PPP3CB: variants seen among roughly 807,000 people sequenced by gnomAD.
PPP3CB encodes serine/threonine-protein phosphatase 2B catalytic subunit beta isoform.
In PPP3CB, 8 loss-of-function variants were observed where a neutral mutation model predicts 66.4. The ratio of observed to expected loss-of-function variants is 0.12; its 90% CI spans 0.07 to 0.22. The LOEUF (loss-of-function observed/expected upper bound fraction) is 0.22, where lower values mean the gene tolerates loss of function less well. PPP3CB is among the 10% of genes least tolerant of loss of function. PPP3CB has a pLI of 1.00. For missense variants in PPP3CB, 319 were observed against 642.5 expected (o/e 0.50, Z 5.44); for synonymous variants, 208 against 221.2 (o/e 0.94, Z 0.53).
At chr10:73,466,814 A>G (rs762797792) in intron 9 of PPP3CB, 12 of 152,184 alleles carry the variant, frequency 7.9e-5, no homozygotes, top group Non-Finnish European at 1.2e-4. Flanking sequence ...TTTTATAATC[A>G]TGTCTGTACT....
At chr10:73,451,428 C>G (rs1198082090) in intron 10 of PPP3CB, among the ~76,000 whole-genome samples, 2 of 151,734 alleles carry the variant, frequency 1.3e-5, no homozygotes, top group Non-Finnish European at 2.9e-5. Context: ...ACATAAAATA[C>G]AGATGTATTA....
At chr10:73,467,808 G>T in intron 8 of PPP3CB, 130 bp from the exon 9 acceptor site, 1 of 790,760 alleles carries the variant, frequency 1.3e-6, no homozygotes, top group Non-Finnish European at 1.9e-6. Flanking sequence ...TGGAATCAGG[G>T]CTGGTAGAGG....
At chr10:73,450,275 G>A (rs1488589931) in intron 10 of PPP3CB, among the ~76,000 whole-genome samples, 2 of 152,106 alleles carry the variant, frequency 1.3e-5, no homozygotes, top group Non-Finnish European at 2.9e-5. Flanking sequence ...ATGGTTCACC[G>A]TTGTGTAGGA....
intron 1 of PPP3CB, among the ~76,000 whole-genome samples, chr10:73,484,492 C>T (rs56390003): frequency 2.0e-5 from 3 of 151,682 alleles, no homozygotes; most frequent in Non-Finnish European, 4.4e-5. Flanking sequence ...AGGATGGTCT[C>T]GATCTCCTGA....
chr10:73,470,821 A>G (rs1173133077), intron 7 of PPP3CB, 40 bp from the exon 8 acceptor site: 3 of 1,587,608 alleles, frequency 1.9e-6, no homozygotes, highest in Non-Finnish European at 2.6e-6. Flanking sequence ...TAAAGCATCA[A>G]TCATGGTTAC....
At chr10:73,474,293 G>A (rs1051516824) in intron 4 of PPP3CB, among the ~76,000 whole-genome samples, 7 of 152,012 alleles carry the variant, frequency 4.6e-5, no homozygotes, top group East Asian at 1.9e-4. Flanking sequence ...CACCCGCCTC[G>A]GCCTCCCAAA....
chr10:73,490,992 CCTG>C (rs1564571938), intron 1 of PPP3CB, among the ~76,000 whole-genome samples: 1 of 150,184 alleles, frequency 6.7e-6, no homozygotes, highest in Non-Finnish European at 1.5e-5. Flanking sequence ...GCCACCACAC[CCTG>C]CTAATTTTTG....
chr10:73,474,382 C>CT (rs759870871), intron 4 of PPP3CB, among the ~76,000 whole-genome samples: 16 of 151,666 alleles, frequency 1.1e-4, no homozygotes, highest in Non-Finnish European at 1.6e-4. Flanking sequence ...ATATAAAACT[C>CT]TAAGTATGTT....
At chr10:73,476,930 G>A in intron 3 of PPP3CB, among the ~76,000 whole-genome samples, 1 of 151,774 alleles carries the variant, frequency 6.6e-6, no homozygotes, top group Non-Finnish European at 1.5e-5. Context: ...GCACACCTCA[G>A]AAAAAAAGGT....
chr10:73,457,260 GAA>G (rs35129439), intron 9 of PPP3CB, among the ~76,000 whole-genome samples: 18 of 69,028 alleles, frequency 2.6e-4, no homozygotes, highest in African/African-American at 6.5e-4. Context: ...CTCTAAAAAA[GAA>G]AAAAAAAAAA....
intron 9 of PPP3CB, among the ~76,000 whole-genome samples, chr10:73,456,746 G>A (rs903700136): frequency 7.2e-5 from 11 of 152,158 alleles, no homozygotes; most frequent in African/African-American, 2.7e-4. Context: ...AAAAAAACGG[G>A]CAAATCTTTA....
rs1215451571 is a variant in PPP3CB at position 73,467,693 on chromosome 10, G to A, written c.983-15C>T. On this transcript the variant is annotated splice_polypyrimidine_tract_variant and intron_variant, in intron 8 of 13. Transcript: ENST00000360663. ...TAATACAGCAGCTGCAAGATAAGTTGAACATCAATAACTTAATAGATAAGT... is the reference window on the plus strand; with the variant it reads ...TAATACAGCAGCTGCAAGATAAGTTAAACATCAATAACTTAATAGATAAGT... 6.6e-7 allele frequency: 1 copy of A among 1,524,392 alleles called. No homozygotes were observed. 94.4% of individuals were successfully genotyped at this position (1,524,392 alleles called of 1,614,324 possible).
intron 1 of PPP3CB, among the ~76,000 whole-genome samples, chr10:73,483,186 T>C (rs553565508): frequency 1.3e-5 from 2 of 152,344 alleles, no homozygotes; most frequent in African/African-American, 4.8e-5. Context: ...ACTTTCCTAC[T>C]TATTTTTCAA....
chr10:73,442,913 C>T (rs1404476804), intron 12 of PPP3CB, among the ~76,000 whole-genome samples: 4 of 151,544 alleles, frequency 2.6e-5, no homozygotes, highest in African/African-American at 9.7e-5. Flanking sequence ...CAATCATTGG[C>T]CAGGCATAGT....
intron 4 of PPP3CB, 65 bp from the exon 5 acceptor site, chr10:73,471,678 T>C: frequency 3.1e-6 from 4 of 1,273,798 alleles, no homozygotes; most frequent in Non-Finnish European, 4.3e-6. Context: ...TTTAAAAACA[T>C]ATATATTAGA....
intron 13 of PPP3CB, among the ~76,000 whole-genome samples, chr10:73,439,616 G>T (rs2056114968): frequency 6.6e-6 from 1 of 152,014 alleles, no homozygotes; most frequent in South Asian, 2.1e-4. Flanking sequence ...ATACTCTAAA[G>T]AAATCAGAAA....
chr10:73,451,820 A>G (rs1180439792), intron 10 of PPP3CB, among the ~76,000 whole-genome samples: 1 of 144,710 alleles, frequency 6.9e-6, no homozygotes, highest in African/African-American at 2.6e-5. Flanking sequence ...ATCTCGACTC[A>G]CTGTAACCTC....
chr10:73,485,189 A>T (rs2056951674), intron 1 of PPP3CB, among the ~76,000 whole-genome samples: 1 of 152,212 alleles, frequency 6.6e-6, no homozygotes, highest in Admixed American at 6.5e-5. Context: ...CATGAAGGGC[A>T]TCTCTATATA....
chr10:73,441,497 G>A (rs905096430), intron 12 of PPP3CB, among the ~76,000 whole-genome samples: 1 of 152,090 alleles, frequency 6.6e-6, no homozygotes, highest in South Asian at 2.1e-4. Flanking sequence ...CCAGCTACTC[G>A]GGAAGCTGAA....
Sources: allele counts gnomAD v4.1 joint callset (sites outside exome capture counted in the v4.1 genomes callset), GRCh38; gene constraint gnomAD v4.1.1; transcripts MANE v1.5; gene names NCBI Gene and HGNC (gene_info 2026-07-23, HGNC 2026-07-21).